The following COX7B2 variants were observed in gnomAD, a reference collection of about 807,000 sequenced individuals.
COX7B2 encodes the protein cytochrome c oxidase subunit 7B2, also known as cytochrome c oxidase subunit 7B2, mitochondrial.
For synonymous variants in COX7B2, 37 were observed against 32.1 expected (o/e 1.15, Z -0.51); for missense variants, 109 against 95.9 (o/e 1.14, Z -0.57).
chr4:46,753,094 A>G (rs1034061535), intron 2 of COX7B2, among the ~76,000 whole-genome samples: 3 of 151,994 alleles, frequency 2.0e-5, no homozygotes, highest in Non-Finnish European at 2.9e-5. Flanking sequence ...TCAATTTCAG[A>G]GCCTGTTATC....
At chr4:46,802,247 C>T (rs907169139) in intron 2 of COX7B2, among the ~76,000 whole-genome samples, 2 of 152,056 alleles carry the variant, frequency 1.3e-5, no homozygotes, top group African/African-American at 4.8e-5. Context: ...TAGGTAGAAG[C>T]CCAGAAGATT....
chr4:46,868,922 CTT>C (rs1333706175), intron 1 of COX7B2, among the ~76,000 whole-genome samples: 1 of 152,060 alleles, frequency 6.6e-6, no homozygotes, highest in Non-Finnish European at 1.5e-5. Context: ...TCCTGAATAT[CTT>C]TGTTAATTTT....
At chr4:46,739,757 C>T (rs964606828) in intron 2 of COX7B2, among the ~76,000 whole-genome samples, 1 of 151,946 alleles carries the variant, frequency 6.6e-6, no homozygotes, top group Non-Finnish European at 1.5e-5. Context: ...AATACAGAGA[C>T]AAGGCAATCT....
intron 1 of COX7B2, among the ~76,000 whole-genome samples, chr4:46,891,093 G>A (rs1244338308): frequency 1.3e-5 from 2 of 152,172 alleles, no homozygotes; most frequent in African/African-American, 4.8e-5. Context: ...GCCGATGTGG[G>A]ATGTGAACCA....
chr4:46,805,650 T>C (rs1321115751), intron 2 of COX7B2, among the ~76,000 whole-genome samples: 1 of 152,226 alleles, frequency 6.6e-6, no homozygotes, highest in African/African-American at 2.4e-5. Flanking sequence ...TGATGTAATT[T>C]GTATTTCCCT....
chr4:46,849,271 C>T (rs1322769013), intron 1 of COX7B2, among the ~76,000 whole-genome samples: 1 of 152,054 alleles, frequency 6.6e-6, no homozygotes, highest in African/African-American at 2.4e-5. Context: ...TCAATTTCTC[C>T]TATGTTTTGC....
At chr4:46,749,794 A>G (rs62303537) in intron 2 of COX7B2, among the ~76,000 whole-genome samples, 49,436 of 151,678 alleles carry the variant, frequency 0.33, 8,248 homozygotes, top group South Asian at 0.47. Context: ...TAATGCTTTC[A>G]TAGGGACAAA....
chr4:46,831,480 C>T lies in COX7B2; in HGVS notation c.-50+13480G>A, dbSNP rs183521287. 5.1e-4 allele frequency among the ~76,000 whole-genome samples: 78 copies of T among 152,320 alleles called. No homozygotes were observed. In the East Asian group the frequency reaches 0.012, roughly 23 times the overall value. On this transcript the variant is annotated intron_variant, in intron 2 of 2. Transcript: ENST00000355591. ...GGCAGCTCCACCTGTGGCCCCAGTGCGGGATCCACTGGGTGAAGCCAGCTG... is the reference window on the plus strand; with the variant it reads ...GGCAGCTCCACCTGTGGCCCCAGTGTGGGATCCACTGGGTGAAGCCAGCTG...
At chr4:46,825,105 G>A (rs190596809) in intron 2 of COX7B2, among the ~76,000 whole-genome samples, 1 of 151,922 alleles carries the variant, frequency 6.6e-6, no homozygotes, top group Non-Finnish European at 1.5e-5. Context: ...TATCTCTGCA[G>A]ATGACATGAT....
intron 1 of COX7B2, among the ~76,000 whole-genome samples, chr4:46,875,910 A>G (rs891721250): frequency 6.6e-6 from 1 of 152,042 alleles, no homozygotes; most frequent in African/African-American, 2.4e-5. Context: ...TTCAACTACT[A>G]TAGCCCACCG....
intron 1 of COX7B2, among the ~76,000 whole-genome samples, chr4:46,867,227 C>T (rs373983893): frequency 1.3e-5 from 2 of 152,308 alleles, no homozygotes; most frequent in African/African-American, 4.8e-5. Flanking sequence ...CAAGTGCCTA[C>T]ACTCATAAGA....
intron 1 of COX7B2, among the ~76,000 whole-genome samples, chr4:46,894,065 T>C (rs1719602933): frequency 6.6e-6 from 1 of 152,106 alleles, no homozygotes; most frequent in African/African-American, 2.4e-5. Context: ...GAAGAACCCA[T>C]ATCATTACAA....
At chr4:46,834,591 T>G (rs1391510362) in intron 2 of COX7B2, among the ~76,000 whole-genome samples, 1 of 152,150 alleles carries the variant, frequency 6.6e-6, no homozygotes, top group Non-Finnish European at 1.5e-5. Context: ...TTAAATGCTT[T>G]TATCCAACTT....
intron 1 of COX7B2, among the ~76,000 whole-genome samples, chr4:46,858,438 A>G (rs565656295): frequency 2.6e-5 from 4 of 152,274 alleles, no homozygotes; most frequent in African/African-American, 9.6e-5. Context: ...TAATGCAAGT[A>G]GCATGTTGGT....
At position 46,784,521 on chromosome 4, in the gene COX7B2, A is replaced by G. The variant is rs566044928; in HGVS notation, c.-49-49280T>C. 1.2e-3 allele frequency among the ~76,000 whole-genome samples: 187 copies of G among 152,276 alleles called. 1 individual carries two copies. The highest frequency in any genetic ancestry group is 4.3e-3 in the African/African-American group (177 of 41,556). ...ATGCCTGTAATTCCAGCTACTCAGG[A>G]GGCTGAGGCAGGAGAATTGTTTGAA... On this transcript the variant is annotated intron_variant, in intron 2 of 2. Coordinates refer to ENST00000355591, the MANE Select transcript of COX7B2 (RefSeq NM_130902.3).
chr4:46,882,310 C>A (rs1343808051), intron 1 of COX7B2, among the ~76,000 whole-genome samples: 1 of 152,072 alleles, frequency 6.6e-6, no homozygotes, highest in Non-Finnish European at 1.5e-5. Context: ...CTATCAGATC[C>A]ATCTGGTCCA....
intron 1 of COX7B2, among the ~76,000 whole-genome samples, chr4:46,882,197 A>G (rs540857646): frequency 6.6e-6 from 1 of 152,136 alleles, no homozygotes; most frequent in East Asian, 1.9e-4. Flanking sequence ...TTTGCTGAGG[A>G]TTGTTTTAGG....
chr4:46,840,032 C>T (rs952758023), intron 2 of COX7B2, among the ~76,000 whole-genome samples: 2 of 151,976 alleles, frequency 1.3e-5, no homozygotes, highest in African/African-American at 4.8e-5. Context: ...AACCTGAGGA[C>T]GTTCTCTTAG....
chr4:46,867,094 C>G (rs1717710346), intron 1 of COX7B2, among the ~76,000 whole-genome samples: 1 of 152,124 alleles, frequency 6.6e-6, no homozygotes, highest in Non-Finnish European at 1.5e-5. Context: ...TACAACAATT[C>G]CATTTAAAGA....
Sources: allele counts gnomAD v4.1 joint callset (sites outside exome capture counted in the v4.1 genomes callset), GRCh38; gene constraint gnomAD v4.1.1; transcripts MANE v1.5; gene names NCBI Gene and HGNC (gene_info 2026-07-23, HGNC 2026-07-21).